Variants in DPH6 observed in about 807,000 individuals in gnomAD.
The protein encoded by DPH6 is diphthamine biosynthesis 6, also known as diphthine--ammonia ligase.
Under a neutral mutation model 38.2 loss-of-function variants are expected in DPH6, and 33 were observed. That is an observed-to-expected ratio of 0.86 (90% CI 0.65 to 1.15). The LOEUF is 1.15. Ranked by LOEUF, DPH6 falls within the 50% of genes most tolerant of loss-of-function variation. The pLI is 0.00. For missense variants in DPH6, 325 were observed against 320.0 expected, an observed-to-expected ratio of 1.02 and a Z score of -0.12; for synonymous variants, 108 against 103.0, an observed-to-expected ratio of 1.05 and a Z score of -0.30.
At chr15:35,338,508 C>T (rs891468794) in intron 3 of DPH6, among the ~76,000 whole-genome samples, 22 of 152,102 alleles carry the variant, frequency 1.4e-4, no homozygotes, top group Non-Finnish European at 2.9e-4. Context: ...GTTAGAATGG[C>T]AATCATTAAA....
At chr15:35,461,812 G>C (rs539867467) in intron 3 of DPH6, among the ~76,000 whole-genome samples, 1 of 152,172 alleles carries the variant, frequency 6.6e-6, no homozygotes, top group South Asian at 2.1e-4. Flanking sequence ...AGAAAAAACA[G>C]GGTAATGTTT....
intron 3 of DPH6, among the ~76,000 whole-genome samples, chr15:35,477,051 T>C (rs1452073956): frequency 1.3e-5 from 2 of 151,822 alleles, no homozygotes; most frequent in African/African-American, 4.8e-5. Flanking sequence ...CTTTATTATA[T>C]GTACAAAGAC....
intron 3 of DPH6, among the ~76,000 whole-genome samples, chr15:35,336,304 C>T (rs1270790437): frequency 1.3e-5 from 2 of 152,138 alleles, no homozygotes; most frequent in Non-Finnish European, 1.5e-5. Context: ...CTTTCAGGTA[C>T]ACCAATCAGA....
intron 3 of DPH6, among the ~76,000 whole-genome samples, chr15:35,343,562 A>G (rs999134417): frequency 6.6e-6 from 1 of 152,060 alleles, no homozygotes; most frequent in Non-Finnish European, 1.5e-5. Flanking sequence ...TTCCTATTAT[A>G]TATTGCCTCA....
At chr15:35,278,672 G>C (rs1237393597) in intron 3 of DPH6, among the ~76,000 whole-genome samples, 1 of 152,206 alleles carries the variant, frequency 6.6e-6, no homozygotes, top group Non-Finnish European at 1.5e-5. Context: ...GAGCAGCCCT[G>C]TGGGCTGCAT....
At chr15:35,176,467 G>T in the DPH6 span, among the ~76,000 whole-genome samples, 1 of 143,982 alleles carries the variant, frequency 6.9e-6, no homozygotes, top group East Asian at 2.4e-4. Context: ...TTCGACAGTT[G>T]TAAGGTCTTT....
the DPH6 span, among the ~76,000 whole-genome samples, chr15:35,169,451 C>A: frequency 6.6e-6 from 1 of 152,094 alleles, no homozygotes; most frequent in Non-Finnish European, 1.5e-5. Context: ...TTAGTATAGT[C>A]TCTGTTTTTC....
chr15:35,395,256 C>T (rs1409200264), intron 6 of DPH6, among the ~76,000 whole-genome samples: 2 of 152,156 alleles, frequency 1.3e-5, no homozygotes, highest in African/African-American at 2.4e-5. Context: ...TCCATCCCTA[C>T]TGTCAATGGT....
At chr15:35,395,683 G>C (rs2053122160) in intron 6 of DPH6, among the ~76,000 whole-genome samples, 1 of 152,008 alleles carries the variant, frequency 6.6e-6, no homozygotes, top group African/African-American at 2.4e-5. Context: ...AGGTCATGTG[G>C]GCATCTTCCA....
intron 3 of DPH6, among the ~76,000 whole-genome samples, chr15:35,320,590 A>ATT (rs2052231857): frequency 6.6e-6 from 1 of 152,206 alleles, no homozygotes; most frequent in Admixed American, 6.5e-5. Context: ...GGCTTCCCAG[A>ATT]CACAGCCTAT....
intron 3 of DPH6, among the ~76,000 whole-genome samples, chr15:35,312,094 G>A (rs1438223116): frequency 6.7e-6 from 1 of 150,068 alleles, no homozygotes; most frequent in Non-Finnish European, 1.5e-5. Context: ...ATATGAAGAA[G>A]TTTCATCTTT....
intron 3 of DPH6, chr15:35,490,072 TCTTA>T: frequency 1.0e-6 from 1 of 985,438 alleles, no homozygotes; most frequent in Non-Finnish European, 1.2e-6. Context: ...GCAATTATCT[TCTTA>T]CTTGGCCTAA....
chr15:35,186,751 G>A, the DPH6 span, among the ~76,000 whole-genome samples: 2 of 152,182 alleles, frequency 1.3e-5, no homozygotes, highest in East Asian at 1.9e-4. Flanking sequence ...ATTTTGGACA[G>A]GCTTTACAAA....
chr15:35,219,313 GAC>G (rs2140383116), exon 4 of DPH6: 1 of 152,088 alleles, frequency 6.6e-6, no homozygotes, highest in East Asian at 1.9e-4. Flanking sequence ...TTATCATTTA[GAC>G]ACAGTGACTA....
chr15:35,199,853 T>C, the DPH6 span, among the ~76,000 whole-genome samples: 2 of 150,768 alleles, frequency 1.3e-5, no homozygotes, highest in Non-Finnish European at 3.0e-5. Context: ...AAAAAAAAAA[T>C]ACCTCTCTCA....
chr15:35,405,666 C>A (rs898020551), intron 6 of DPH6, among the ~76,000 whole-genome samples: 4 of 152,026 alleles, frequency 2.6e-5, no homozygotes, highest in Non-Finnish European at 5.9e-5. Context: ...AATTTGACTT[C>A]TTTTCCAATT....
the DPH6 span, among the ~76,000 whole-genome samples, chr15:35,187,414 G>GA: frequency 6.6e-6 from 1 of 152,138 alleles, no homozygotes; most frequent in African/African-American, 2.4e-5. Flanking sequence ...AGTAATAGCT[G>GA]AATGGATTAA....
intron 3 of DPH6, among the ~76,000 whole-genome samples, chr15:35,355,065 T>C (rs1171851533): frequency 6.6e-6 from 1 of 152,194 alleles, no homozygotes; most frequent in Non-Finnish European, 1.5e-5. Context: ...CTTTTGATAT[T>C]TGTTGGTTTA....
At chr15:35,471,821 CAT>C (rs144623491) in intron 3 of DPH6, among the ~76,000 whole-genome samples, 16,497 of 152,120 alleles carry the variant, frequency 0.11, 1,324 homozygotes, top group African/African-American at 0.24. Flanking sequence ...ATACTTTACA[CAT>C]GTTATTTTCT....
Sources: gnomAD v4.1 joint callset for allele counts (sites outside exome capture counted in the v4.1 genomes callset) on GRCh38, gnomAD v4.1.1 for gene constraint, MANE v1.5 for transcripts, NCBI Gene and HGNC (gene_info 2026-07-23, HGNC 2026-07-21) for gene names.